The following JPH1 variants were observed in gnomAD, a reference collection of about 807,000 sequenced individuals.
JPH1 encodes the protein junctophilin-1.
Under a neutral mutation model 53.6 loss-of-function variants are expected in JPH1, and 12 were observed. The observed-to-expected ratio is 0.22, with a 90% CI of 0.14 to 0.36. JPH1 has a LOEUF of 0.36. Ranked by LOEUF, JPH1 falls within the 10% of genes least tolerant of loss-of-function variation. The pLI is 1.00. For synonymous variants in JPH1, 375 were observed against 363.8 expected (o/e 1.03, Z -0.35); for missense variants, 808 against 905.5 (o/e 0.89, Z 1.38).
intron 3 of JPH1, among the ~76,000 whole-genome samples, chr8:74,246,495 T>C (rs969415016): frequency 2.6e-5 from 4 of 152,312 alleles, no homozygotes; most frequent in African/African-American, 9.6e-5. Flanking sequence ...ATGAGGCTGC[T>C]ATTTAATTAT....
intron 2 of JPH1, among the ~76,000 whole-genome samples, chr8:74,312,605 A>G (rs963620593): frequency 6.6e-6 from 1 of 152,224 alleles, no homozygotes; most frequent in Non-Finnish European, 1.5e-5. Flanking sequence ...ACAGTGTTGT[A>G]GTGCAGATCT....
rs117349862 is a variant in JPH1, at chr8:74,282,195, G to A, written c.1140-22692C>T. ...AAGACTTTGCCTGACCCCAAAGCATGTGTTCTTCCCACACTCCACTACCTT... is the reference window on the plus strand; with the variant it reads ...AAGACTTTGCCTGACCCCAAAGCATATGTTCTTCCCACACTCCACTACCTT... On this transcript the variant is annotated intron_variant, in intron 2 of 5. Coordinates refer to ENST00000342232, the MANE Select transcript of JPH1 (RefSeq NM_020647.4). Among the ~76,000 whole-genome samples the A allele has an allele frequency of 4.5e-4, 69 of 152,254 alleles. No homozygotes were observed. The East Asian group carries it at 0.012, about 26-fold the overall frequency.
chr8:74,317,759 G>T (rs903072126), intron 1 of JPH1, among the ~76,000 whole-genome samples: 1 of 152,150 alleles, frequency 6.6e-6, no homozygotes, highest in Non-Finnish European at 1.5e-5. Context: ...TTAAAACACA[G>T]CCATACCATC....
intron 2 of JPH1, among the ~76,000 whole-genome samples, chr8:74,260,010 T>C (rs551325523): frequency 6.6e-6 from 1 of 152,346 alleles, no homozygotes; most frequent in East Asian, 1.9e-4. Flanking sequence ...TTCATATCCA[T>C]GTGTAAATGT....
intron 2 of JPH1, among the ~76,000 whole-genome samples, chr8:74,302,702 G>A (rs1333839749): frequency 1.3e-5 from 2 of 152,158 alleles, no homozygotes; most frequent in Non-Finnish European, 2.9e-5. Context: ...GCTCACCCAG[G>A]ATGGGTCATA....
chr8:74,259,581 G>A, intron 2 of JPH1, 78 bp from the exon 3 acceptor site: 6 of 1,054,078 alleles, frequency 5.7e-6, no homozygotes, highest in Non-Finnish European at 6.6e-6. Context: ...TTGTAATCTG[G>A]GAAAAGAAAT....
At chr8:74,267,860 T>A (rs963353375) in intron 2 of JPH1, among the ~76,000 whole-genome samples, 4 of 152,008 alleles carry the variant, frequency 2.6e-5, no homozygotes, top group African/African-American at 9.7e-5. Context: ...AAGGTGACAA[T>A]TGCTGGAGTT....
rs1253570927 is a variant in JPH1 at position 74,256,178 on chromosome 8, G to T, written c.1258+3207C>A. On this transcript the variant is annotated intron_variant, in intron 3 of 5. Coordinates refer to ENST00000342232, the MANE Select transcript of JPH1 (RefSeq NM_020647.4). ...CAATGATAGACTGGATTAAGAAAAT[G>T]TGGCACATATACACCGTGGAATACT... Among the ~76,000 whole-genome samples the T allele has an allele frequency of 3.3e-5, 5 of 152,258 alleles. No homozygotes were observed. The East Asian group carries it at 9.6e-4, about 29-fold the overall frequency.
intron 4 of JPH1, among the ~76,000 whole-genome samples, chr8:74,242,166 T>C (rs1165826713): frequency 1.3e-5 from 2 of 152,106 alleles, no homozygotes; most frequent in Non-Finnish European, 2.9e-5. Flanking sequence ...TCCCAGGAGA[T>C]TTTCTGTATT....
intron 2 of JPH1, among the ~76,000 whole-genome samples, chr8:74,269,957 A>T (rs186336256): frequency 6.6e-6 from 1 of 152,330 alleles, no homozygotes; most frequent in African/African-American, 2.4e-5. Flanking sequence ...TTATATCTAG[A>T]GTTCATCTTC....
In JPH1 at chr8:74,321,454, T is replaced by C; in HGVS notation, c.-167A>G. 2 of 603,048 alleles carry C rather than the reference T, an allele frequency of 3.3e-6. No homozygotes were observed. Among genetic ancestry groups the C allele is most frequent in the Non-Finnish European group, 5.1e-6 (2 of 392,440 alleles). The allele number at this position is 603,048 out of a possible 1,614,324, so 37.4% of individuals were successfully genotyped here. A position where few individuals can be genotyped will look rare whatever the true frequency, so the allele number is the denominator to read the frequency against. On this transcript the variant is annotated 5_prime_UTR_variant, in exon 1 of 6. Transcript: ENST00000342232. The surrounding 1 kb of genome is among the most constrained non-coding windows in gnomAD (Gnocchi z 4.3). Reference sequence around the variant, plus strand: ...AGTCCGACGCCGCCCCCGTCCTCCCTCCTCTTTTGCCGCCGCCACCGCCGC... The same window carrying C: ...AGTCCGACGCCGCCCCCGTCCTCCCCCCTCTTTTGCCGCCGCCACCGCCGC...
At chr8:74,261,727 G>A (rs1359289810) in intron 2 of JPH1, among the ~76,000 whole-genome samples, 7 of 152,048 alleles carry the variant, frequency 4.6e-5, no homozygotes, top group Admixed American at 1.3e-4. Context: ...CATTTTGTCC[G>A]CTATTCTTAG....
At chr8:74,282,168 T>A (rs1807032824) in intron 2 of JPH1, among the ~76,000 whole-genome samples, 1 of 152,052 alleles carries the variant, frequency 6.6e-6, no homozygotes. Flanking sequence ...CAAGTTGGAG[T>A]CAAGACTTTG....
intron 3 of JPH1, among the ~76,000 whole-genome samples, chr8:74,250,308 T>C (rs529163141): frequency 9.9e-5 from 15 of 152,218 alleles, no homozygotes; most frequent in South Asian, 8.3e-4. Context: ...AATTTTTGTA[T>C]TTTTAGTGGA....
At chr8:74,309,986 T>C (rs1454375223) in intron 2 of JPH1, among the ~76,000 whole-genome samples, 2 of 152,174 alleles carry the variant, frequency 1.3e-5, no homozygotes, top group Non-Finnish European at 2.9e-5. Context: ...AAGGCTCTAG[T>C]TATAGTTTAG....
intron 2 of JPH1, among the ~76,000 whole-genome samples, chr8:74,310,314 C>T (rs1030488994): frequency 5.3e-5 from 8 of 151,734 alleles, no homozygotes; most frequent in African/African-American, 1.9e-4. Flanking sequence ...AGGTTGAGAC[C>T]CTTTCTCAAT....
intron 2 of JPH1, among the ~76,000 whole-genome samples, chr8:74,308,416 T>C (rs545060592): frequency 2.0e-5 from 3 of 152,360 alleles, no homozygotes; most frequent in East Asian, 3.9e-4. Flanking sequence ...TGTTAGATTA[T>C]AGCATGAATT....
chr8:74,313,792 C>G (rs1808062352), intron 2 of JPH1, among the ~76,000 whole-genome samples: 2 of 152,254 alleles, frequency 1.3e-5, no homozygotes, highest in South Asian at 4.1e-4. Context: ...TTTTAATATT[C>G]TATGCTACAT....
At chr8:74,280,759 G>A (rs1025188406) in intron 2 of JPH1, among the ~76,000 whole-genome samples, 4 of 152,138 alleles carry the variant, frequency 2.6e-5, no homozygotes, top group African/African-American at 9.7e-5. Context: ...ATTTATATAA[G>A]ACTATAGCAT....
Sources: allele counts gnomAD v4.1 joint callset (sites outside exome capture counted in the v4.1 genomes callset), GRCh38; gene constraint gnomAD v4.1.1; non-coding constraint Gnocchi (gnomAD v3.1); transcripts MANE v1.5; gene names NCBI Gene and HGNC (gene_info 2026-07-23, HGNC 2026-07-21).